ADAM8: variants seen among roughly 807,000 people sequenced by gnomAD.
ADAM8 encodes disintegrin and metalloproteinase domain-containing protein 8.
Under a neutral mutation model 102.4 loss-of-function variants are expected in ADAM8, and 104 were observed. The ratio of observed to expected loss-of-function variants is 1.02; its 90% confidence interval spans 0.87 to 1.20. The LOEUF (loss-of-function observed/expected upper bound fraction) is 1.20. Among genes scored for constraint, ADAM8 ranks in the 50% most tolerant of loss-of-function variants. ADAM8 has a pLI of 0.00. For missense variants in ADAM8, 1,132 were observed against 1,159.0 expected, an observed-to-expected ratio of 0.98 and a Z score of 0.34; for synonymous variants, 517 against 485.2, an observed-to-expected ratio of 1.07 and a Z score of -0.86.
chr10:133,271,208 C>G lies in ADAM8; in HGVS notation c.1366G>C (p.Glu456Gln). 1 of 1,611,450 alleles carries G rather than the reference C, an allele frequency of 6.2e-7. No individual in the cohort carries two copies. Among genetic ancestry groups the G allele is most frequent in the Non-Finnish European group, 8.5e-7 (1 of 1,179,356 alleles). Residue 456 changes from glutamate (E) to glutamine (Q), a missense_variant, in exon 13 of 23, where the codon GAG becomes CAG. Coordinates refer to ENST00000445355, the MANE Select transcript of ADAM8 (RefSeq NM_001109.5). The part of the protein sequence containing the change: ...AQCAHGTCCQ[E>Q]CKVKPAGELC... ...TGGGAGGCTGCACTCACCTTGCACT[C>G]CTGGCAGCAGGTACCGTGCGCACAC... is the stretch of plus-strand genomic sequence containing the variant.
At chr10:133,269,579 G>A (rs1367036227) in intron 17 of ADAM8, 50 bp from the exon 18 acceptor site, 4 of 1,479,950 alleles carry the variant, frequency 2.7e-6, no homozygotes, top group East Asian at 4.8e-5. Flanking sequence ...ACCCCAAGGG[G>A]CCGTGGGGGC....
chr10:133,275,360 G>C (rs896661844), intron 2 of ADAM8, 124 bp downstream of exon 2: 3 of 701,472 alleles, frequency 4.3e-6, no homozygotes, highest in East Asian at 3.1e-5. Flanking sequence ...CAGGGGGCTA[G>C]AGCTGTACAG....
At position 133,269,473 on chromosome 10, in the gene ADAM8, G is replaced by A. The variant is rs137924969; in HGVS notation, c.1920C>T (p.Cys640=). The A allele has an allele frequency of 7.3e-5, 117 of 1,600,358 alleles. No homozygotes were observed. The East Asian group carries it at 2.2e-3, about 30-fold the overall frequency. Residue 640 remains cysteine (C), a synonymous_variant, in exon 18 of 23, where the codon TGC becomes TGT. Coordinates refer to ENST00000445355, the MANE Select transcript of ADAM8 (RefSeq NM_001109.5). ...HCHAGWAPPH[C]AKLLTEVHAA... is the part of the protein sequence containing the mutation. Reference sequence around the variant, plus strand: ...CGTGCACCTCAGTCAGCAGCTTCGCGCAGTGGGGCGGGGCCCAGCCCGCGT... The same window carrying A: ...CGTGCACCTCAGTCAGCAGCTTCGCACAGTGGGGCGGGGCCCAGCCCGCGT...
intron 11 of ADAM8, 23 bp from the exon 12 acceptor site, chr10:133,271,728 G>GGGGAGGCGGCCTGGCCCCTTCCCCA (rs781304332): frequency 6.4e-7 from 1 of 1,567,110 alleles, no homozygotes; most frequent in Non-Finnish European, 8.7e-7. Flanking sequence ...GGCAGCATTG[G>GGGGAGGCGGCCTGGCCCCTTCCCCA]GGGAGGCGGC....
At position 133,272,758 on chromosome 10, in the gene ADAM8, C is replaced by T. The variant is rs141597080; in HGVS notation, c.705+40G>A. On this transcript the variant is annotated intron_variant, in intron 8 of 22. Transcript: ENST00000445355. ...TGGCAACACCCCCCCCACCTCCCGCCAGGGGCTCTGGCACCTCTGCAGCCA... is the reference window on the plus strand; with the variant it reads ...TGGCAACACCCCCCCCACCTCCCGCTAGGGGCTCTGGCACCTCTGCAGCCA... 2.5e-6 allele frequency: 4 copies of T among 1,580,332 alleles called. No homozygotes were observed. In the Admixed American group the frequency reaches 5.1e-5, roughly 20 times the overall value.
At chr10:133,268,661 C>A in intron 19 of ADAM8, 87 bp downstream of exon 19, 1 of 1,423,406 alleles carries the variant, frequency 7.0e-7, no homozygotes, top group Non-Finnish European at 9.6e-7. Context: ...TGCCGTCCAC[C>A]ATGGGCCCGT....
At chr10:133,275,739 T>C (rs1254096261) in intron 1 of ADAM8, 152 bp from the exon 2 acceptor site, 2 of 539,486 alleles carry the variant, frequency 3.7e-6, no homozygotes, top group East Asian at 6.9e-5. Flanking sequence ...CAAGTGAGGG[T>C]TCTGTGCCTA....
chr10:133,273,240 A>T lies in ADAM8; in HGVS notation c.573+14T>A, dbSNP rs769753661. On this transcript the variant is annotated intron_variant, in intron 6 of 22. Coordinates refer to ENST00000445355, the MANE Select transcript of ADAM8 (RefSeq NM_001109.5). ...CGGCAGGGCCAGCCAAACACAGGAG[A>T]CAAGGGTGCTCACCCCGGGCCGAGG... 1.2e-6 allele frequency: 2 copies of T among 1,601,400 alleles called. No homozygotes were observed. Among genetic ancestry groups the T allele is most frequent in the Non-Finnish European group, 1.7e-6 (2 of 1,175,302 alleles).
In ADAM8 at chr10:133,273,331, T is replaced by C. The variant is rs573742057; in HGVS notation, c.496A>G (p.Thr166Ala). The C allele has an allele frequency of 1.3e-6, 2 of 1,576,060 alleles. No individual in the cohort carries two copies. The highest frequency in any genetic ancestry group is 1.8e-5 in the Admixed American group (1 of 55,106). Residue 166 changes from threonine (T) to alanine (A), a missense_variant, in exon 6 of 23, where the codon ACC (threonine) becomes GCC (alanine). Thr to Ala is a moderately conservative substitution (Grantham distance 58). Coordinates refer to ENST00000445355, the MANE Select transcript of ADAM8 (RefSeq NM_001109.5). ...QAEHLLQTAG[T>A]CGVSDDSLGS... The stretch of plus-strand genomic sequence containing the variant: ...AGGCTGTCGTCGCTGACCCCGCAGG[T>C]CCCGGCCGTCTGCAGCAGGTGCTCA...
chr10:133,273,929 A>G (rs1846644833), intron 4 of ADAM8, 22 bp downstream of exon 4: 1 of 1,579,700 alleles, frequency 6.3e-7, no homozygotes, highest in Admixed American at 1.8e-5. Context: ...CTGCCCGCCC[A>G]GCTGCTCCGC....
Position 133,272,468 on chromosome 10 carries a change from G to A in ADAM8, c.823C>T (p.Gln275Ter). ...SVTLENLLTW[Q>*]ARQRTRRHLH... is the part of the protein sequence containing the mutation. ...TGCCGCCGTGTCCGTTGCCGTGCCT[G>A]CCAGGTCAGGAGGTTCTCCAGTGTG... The change falls in exon 9 of 23, where the codon CAG becomes TAG. Residue 275 changes from glutamine to a stop codon, truncating the protein, a stop_gained. Transcript: ENST00000445355. LOFTEE classifies it high-confidence loss of function. The A allele has an allele frequency of 6.2e-7, 1 of 1,611,502 alleles. No homozygotes were observed. The highest frequency in any genetic ancestry group is 8.5e-7 in the Non-Finnish European group (1 of 1,179,760).
Position 133,272,206 on chromosome 10 carries a change from C to G in ADAM8, c.944G>C (p.Gly315Ala), listed in dbSNP as rs1311014449. ...GAGCCCCCTCACCTGGTTCACAGCC[C>G]CTGAGCTGTGGGAGCACATGGCGGA... ...RVSAMCSHSSGAVNQDHSKNP... is the reference protein window; with the variant it reads ...RVSAMCSHSSAAVNQDHSKNP... Residue 315 changes from glycine (G) to alanine (A), a missense_variant, in exon 10 of 23, where the codon GGG becomes GCG. Gly to Ala is a moderately conservative substitution (Grantham distance 60, BLOSUM62 0). Coordinates refer to ENST00000445355, the MANE Select transcript of ADAM8 (RefSeq NM_001109.5). 1 of 1,549,838 alleles carries G rather than the reference C, an allele frequency of 6.5e-7. No individual in the cohort carries two copies. The highest frequency in any genetic ancestry group is 8.7e-7 in the Non-Finnish European group (1 of 1,146,756).
intron 21 of ADAM8, among the ~76,000 whole-genome samples, chr10:133,265,012 T>C (rs61869861): frequency 2.3e-5 from 3 of 129,306 alleles, no homozygotes; most frequent in Non-Finnish European, 4.8e-5. Flanking sequence ...CTCTGCCCCA[T>C]CTACCTCCAC....
intron 2 of ADAM8, among the ~76,000 whole-genome samples, chr10:133,275,256 C>A (rs916683117): frequency 2.0e-5 from 3 of 152,124 alleles, no homozygotes; most frequent in Non-Finnish European, 4.4e-5. Context: ...CACAACCTGC[C>A]CCTGCTCCCT....
chr10:133,273,058 C>T (rs752528778), intron 6 of ADAM8, 39 bp from the exon 7 acceptor site: 53 of 1,611,852 alleles, frequency 3.3e-5, no homozygotes, highest in Non-Finnish European at 3.7e-5. Context: ...GCCTTCCCAG[C>T]GCCGGGGCCT....
At chr10:133,274,060 C>T (rs1846651233) in intron 3 of ADAM8, 31 bp from the exon 4 acceptor site, 1 of 1,595,208 alleles carries the variant, frequency 6.3e-7, no homozygotes. Flanking sequence ...CTGCCTCGGC[C>T]CCCTCGGTGC....
At chr10:133,272,360 A>AC in intron 9 of ADAM8, 56 bp downstream of exon 9, 21 of 314,130 alleles carry the variant, frequency 6.7e-5, no homozygotes, top group Middle Eastern at 9.7e-4. Context: ...CTTCCACCCC[A>AC]CCCTGCCCGC....
At chr10:133,274,120 C>A in intron 3 of ADAM8, 39 bp downstream of exon 3, 1 of 1,583,320 alleles carries the variant, frequency 6.3e-7, no homozygotes, top group Non-Finnish European at 8.6e-7. Flanking sequence ...TGTGCTGGAG[C>A]CAGGCCCGGG....
chr10:133,268,525 G>A (rs1035662256), intron 19 of ADAM8, among the ~76,000 whole-genome samples: 9 of 152,222 alleles, frequency 5.9e-5, no homozygotes, highest in African/African-American at 1.2e-4. Flanking sequence ...ACCATGCCCC[G>A]CCCCAGCCTC....
Sources: allele counts gnomAD v4.1 joint callset (sites outside exome capture counted in the v4.1 genomes callset), GRCh38; gene constraint gnomAD v4.1.1; transcripts MANE v1.5; gene names NCBI Gene and HGNC (gene_info 2026-07-23, HGNC 2026-07-21).